RGS3: variants seen among roughly 807,000 people sequenced by gnomAD.
RGS3 encodes regulator of G protein signaling 3, also known as regulator of G-protein signalling 3.
Under a neutral mutation model 132.6 loss-of-function variants are expected in RGS3, and 80 were observed. That is an observed-to-expected ratio of 0.60 (90% CI 0.50 to 0.73). The LOEUF is 0.73. RGS3 is among the 30% of genes least tolerant of loss of function. The pLI is 0.00. For synonymous variants in RGS3, 598 were observed against 620.6 expected (o/e 0.96, Z 0.54); for missense variants, 1,382 against 1,530.8 (o/e 0.90, Z 1.62).
chr9:113,549,633 A>T (rs1196123767), intron 19 of RGS3, among the ~76,000 whole-genome samples: 2 of 152,236 alleles, frequency 1.3e-5, no homozygotes, highest in African/African-American at 2.4e-5. Flanking sequence ...CCTGTCAGGC[A>T]TTCGTTTATA....
At chr9:113,566,686 CT>C (rs1444280713) in intron 19 of RGS3, among the ~76,000 whole-genome samples, 1 of 152,240 alleles carries the variant, frequency 6.6e-6, no homozygotes, top group Non-Finnish European at 1.5e-5. Context: ...ACCTGAGAGG[CT>C]TGGTACACCA....
chr9:113,494,319 A>G (rs1392236698), intron 7 of RGS3, among the ~76,000 whole-genome samples: 1 of 152,182 alleles, frequency 6.6e-6, no homozygotes, highest in Admixed American at 6.5e-5. Flanking sequence ...AGATATGACC[A>G]TTGTTAGTAT....
chr9:113,447,600 AT>A (rs1224999942), intron 1 of RGS3, among the ~76,000 whole-genome samples: 1 of 151,668 alleles, frequency 6.6e-6, no homozygotes, highest in Non-Finnish European at 1.5e-5. Flanking sequence ...TTATTTGCTC[AT>A]TCATTTATTT....
intron 16 of RGS3, among the ~76,000 whole-genome samples, chr9:113,519,547 A>T (rs924359528): frequency 3.1e-4 from 46 of 150,518 alleles, no homozygotes; most frequent in South Asian, 1.1e-3. Flanking sequence ...AGGGATTTGG[A>T]TAAATTCATG....
At chr9:113,583,140 G>A (rs1324324781) in intron 19 of RGS3, 2 of 415,818 alleles carry the variant, frequency 4.8e-6, no homozygotes, top group East Asian at 9.9e-5. Context: ...GGCCACATAA[G>A]AGAGTGGGGT....
chr9:113,597,030 A>T, exon 25 of RGS3: 1 of 1,301,992 alleles, frequency 7.7e-7, no homozygotes, highest in East Asian at 2.3e-5. Context: ...GCCCCCTGTG[A>T]CGGAGGGGGC....
intron 19 of RGS3, among the ~76,000 whole-genome samples, chr9:113,549,289 T>C (rs1833235758): frequency 1.3e-5 from 2 of 152,230 alleles, no homozygotes; most frequent in Non-Finnish European, 2.9e-5. Flanking sequence ...CTTGTGAAGA[T>C]CAAAGGGGAT....
At chr9:113,585,046 A>G (rs1020443749) in intron 20 of RGS3, among the ~76,000 whole-genome samples, 7 of 152,198 alleles carry the variant, frequency 4.6e-5, no homozygotes, top group African/African-American at 1.7e-4. Flanking sequence ...TCTCGTGAAT[A>G]TTTATATGTA....
chr9:113,545,472 A>G (rs2118698574), intron 19 of RGS3, among the ~76,000 whole-genome samples: 1 of 152,318 alleles, frequency 6.6e-6, no homozygotes, highest in South Asian at 2.1e-4. Context: ...CCAGGCAGCC[A>G]CCAGCTCTCC....
At chr9:113,577,680 G>A (rs1228444250) in intron 19 of RGS3, among the ~76,000 whole-genome samples, 3 of 152,164 alleles carry the variant, frequency 2.0e-5, no homozygotes, top group Non-Finnish European at 4.4e-5. Flanking sequence ...GGCTCTTCCT[G>A]GCCCGGGGCT....
Position 113,553,036 on chromosome 9 carries a change from T to C in RGS3, c.2037+16118T>C, listed in dbSNP as rs113820718. On this transcript the variant is annotated intron_variant, in intron 19 of 24. Transcript: ENST00000350696. Reference sequence around the variant, plus strand: ...CCCATTTCCAATCAATAATTACTAATATATGTTTGATGTGGTTCCTCCAAA... The same window carrying C: ...CCCATTTCCAATCAATAATTACTAACATATGTTTGATGTGGTTCCTCCAAA... 2.9e-4 allele frequency among the ~76,000 whole-genome samples: 44 copies of C among 152,294 alleles called. 1 individual carries two copies. Among genetic ancestry groups the C allele is most frequent in the African/African-American group, 8.9e-4 (37 of 41,562 alleles).
chr9:113,553,282 A>T (rs1833414272), intron 19 of RGS3, among the ~76,000 whole-genome samples: 1 of 149,714 alleles, frequency 6.7e-6, no homozygotes, highest in African/African-American at 2.5e-5. Context: ...TCGCTACAAA[A>T]AATAAAAAAA....
chr9:113,447,848 C>CTTTTT (rs1350413411), intron 1 of RGS3, among the ~76,000 whole-genome samples: 2 of 129,486 alleles, frequency 1.5e-5, no homozygotes, highest in African/African-American at 2.9e-5. Context: ...TACCCCTAGT[C>CTTTTT]TTTTTTTTTT....
chr9:113,594,925 C>T, exon 23 of RGS3: 11 of 1,614,066 alleles, frequency 6.8e-6, no homozygotes, highest in Non-Finnish European at 9.3e-6. Context: ...TCAGGCCCAC[C>T]TCAGAGGAAG....
chr9:113,523,231 C>T (rs570195353), intron 17 of RGS3, among the ~76,000 whole-genome samples, 190 bp downstream of exon 15: 2 of 152,234 alleles, frequency 1.3e-5, no homozygotes, highest in East Asian at 1.9e-4. Context: ...TCTGATATAC[C>T]TGAGGTTTTC....
At chr9:113,574,756 C>CA (rs1476422012) in intron 19 of RGS3, among the ~76,000 whole-genome samples, 1 of 152,200 alleles carries the variant, frequency 6.6e-6, no homozygotes, top group Non-Finnish European at 1.5e-5. Flanking sequence ...CCAGTACACA[C>CA]ACACGGAGCA....
intron 19 of RGS3, among the ~76,000 whole-genome samples, chr9:113,556,832 T>C (rs1833587491): frequency 1.3e-5 from 2 of 152,016 alleles, no homozygotes; most frequent in Non-Finnish European, 2.9e-5. Flanking sequence ...GAATTTAGAG[T>C]TGGGACTCTT....
rs181738954 is a variant in RGS3, at chr9:113,568,383, C to T, written c.2038-15067C>T. Among the ~76,000 whole-genome samples the T allele has an allele frequency of 7.5e-4, 115 of 152,362 alleles. 1 individual carries two copies. Among genetic ancestry groups the T allele is most frequent in the African/African-American group, 2.7e-3 (113 of 41,580 alleles). On this transcript the variant is annotated intron_variant, in intron 19 of 24. Transcript: ENST00000350696. ...GGTCGGTGGGCTGGAGACTGCGGCA[C>T]CTTCTCGTCCCTTCTTACTGATGAT...
At chr9:113,566,829 C>T (rs992796275) in intron 19 of RGS3, among the ~76,000 whole-genome samples, 3 of 152,230 alleles carry the variant, frequency 2.0e-5, no homozygotes, top group African/African-American at 7.2e-5. Flanking sequence ...GCAGAGGCTG[C>T]CCTGCTGGTG....
Sources: allele counts gnomAD v4.1 joint callset (sites outside exome capture counted in the v4.1 genomes callset), GRCh38; gene constraint gnomAD v4.1.1; transcripts MANE v1.5; gene names NCBI Gene and HGNC (gene_info 2026-07-23, HGNC 2026-07-21).